The following MAML3 variants were observed in gnomAD, a reference collection of about 807,000 sequenced individuals.
MAML3 encodes the protein mastermind like transcriptional coactivator 3.
In MAML3, 27 loss-of-function variants were observed where a neutral mutation model predicts 101.9. The ratio of observed to expected loss-of-function variants is 0.27; its 90% CI spans 0.20 to 0.37. The LOEUF is 0.37. Ranked by LOEUF, MAML3 falls within the 10% of genes least tolerant of loss-of-function variation. The probability of loss-of-function intolerance (pLI) is 1.00; values close to 1 mark genes in which losing one functional copy is unlikely to be tolerated. For missense variants in MAML3, 1,316 were observed against 1,444.9 expected (o/e 0.91, Z 1.45); for synonymous variants, 501 against 555.9 (o/e 0.90, Z 1.39).
At chr4:139,978,588 T>C (rs1247076125) in intron 1 of MAML3, among the ~76,000 whole-genome samples, 10 of 138,904 alleles carry the variant, frequency 7.2e-5, no homozygotes, top group Non-Finnish European at 1.5e-5. Flanking sequence ...ATGCCTCCCA[T>C]GACTTCCCAG....
intron 2 of MAML3, among the ~76,000 whole-genome samples, chr4:139,830,172 G>A (rs746646931): frequency 6.6e-6 from 1 of 152,180 alleles, no homozygotes; most frequent in Admixed American, 6.5e-5. Context: ...CTGGATGACA[G>A]GCAAGGACTC....
Position 139,864,939 on chromosome 4 carries a change from T to TTG in MAML3, c.2079+24417_2079+24418insCA, listed in dbSNP as rs1194198566. On this transcript the variant is annotated intron_variant, in intron 2 of 4. Transcript: ENST00000509479. Reference sequence around the variant, plus strand: ...GCAAACTTGCTTTTTTTTTTTTTTTTTTTTTTTTTTTTTTGCCACAAAGCT... The same window carrying TTG: ...GCAAACTTGCTTTTTTTTTTTTTTTTTGTTTTTTTTTTTTTTGCCACAAAGCT... Among the ~76,000 whole-genome samples, 824 of 143,846 alleles carry TTG rather than the reference T, an allele frequency of 5.7e-3. 32 individuals are homozygous for TTG. Among genetic ancestry groups the TTG allele is most frequent in the South Asian group, 0.023 (102 of 4,506 alleles). 94.4% of individuals were successfully genotyped at this position (143,846 alleles called of 152,430 possible).
intron 1 of MAML3, among the ~76,000 whole-genome samples, chr4:139,997,010 T>A (rs1447893726): frequency 6.6e-6 from 1 of 151,560 alleles, no homozygotes; most frequent in East Asian, 1.9e-4. Flanking sequence ...AGAGCCAAGA[T>A]CGCGCCACTG....
intron 1 of MAML3, among the ~76,000 whole-genome samples, chr4:140,113,172 A>ATTG (rs1728466318): frequency 6.6e-6 from 1 of 152,074 alleles, no homozygotes; most frequent in Non-Finnish European, 1.5e-5. Context: ...CCAGCTACTC[A>ATTG]GGAGGCTGAG....
At chr4:140,125,042 T>A (rs1208024309) in intron 1 of MAML3, among the ~76,000 whole-genome samples, 1 of 152,176 alleles carries the variant, frequency 6.6e-6, no homozygotes, top group Non-Finnish European at 1.5e-5. Flanking sequence ...AATTAAAGAG[T>A]TTGAGCATCG....
intron 1 of MAML3, among the ~76,000 whole-genome samples, chr4:139,984,758 C>T (rs1734507212): frequency 6.6e-6 from 1 of 152,200 alleles, no homozygotes; most frequent in Non-Finnish European, 1.5e-5. Context: ...AGTTTTTGCT[C>T]TTGAGGCCTT....
At chr4:139,741,210 C>T (rs1165493138) in intron 2 of MAML3, among the ~76,000 whole-genome samples, 1 of 152,126 alleles carries the variant, frequency 6.6e-6, no homozygotes, top group Non-Finnish European at 1.5e-5. Context: ...GGGATTGGTA[C>T]TTCTCCTTAT....
intron 2 of MAML3, among the ~76,000 whole-genome samples, chr4:139,782,759 T>C (rs1341160864): frequency 1.3e-5 from 2 of 152,108 alleles, no homozygotes; most frequent in African/African-American, 2.4e-5. Context: ...GCAATGTCTA[T>C]GGGTGAGGCT....
intron 2 of MAML3, among the ~76,000 whole-genome samples, chr4:139,863,832 G>GTTTTTTTTTTTTTTTTTTTTT (rs58270046): frequency 2.7e-5 from 3 of 111,254 alleles, no homozygotes; most frequent in East Asian, 4.3e-4. Context: ...CAGAACATGG[G>GTTTTTTTTTTTTTTTTTTTTT]TTTTTTTTTT....
chr4:139,953,124 TA>T (rs1419208115), intron 1 of MAML3, among the ~76,000 whole-genome samples: 1 of 152,182 alleles, frequency 6.6e-6, no homozygotes, highest in Non-Finnish European at 1.5e-5. Flanking sequence ...TTTGGGTTTT[TA>T]AAAAAGAATG....
intron 2 of MAML3, among the ~76,000 whole-genome samples, chr4:139,772,917 A>T (rs1000864883): frequency 1.8e-4 from 13 of 70,280 alleles, no homozygotes; most frequent in African/African-American, 9.6e-4. Context: ...ATCTCTACTT[A>T]AAAAAAAAAA....
At chr4:139,730,774 G>C (rs987513995) in intron 2 of MAML3, 107 bp from the exon 3 acceptor site, 114 of 1,029,746 alleles carry the variant, frequency 1.1e-4, no homozygotes, top group Non-Finnish European at 1.5e-4. Context: ...CCCAGCTTAT[G>C]GACTGGAGGG....
At chr4:140,043,290 T>C (rs1727118425) in intron 1 of MAML3, among the ~76,000 whole-genome samples, 1 of 152,230 alleles carries the variant, frequency 6.6e-6, no homozygotes, top group Admixed American at 6.5e-5. Flanking sequence ...TACGGCTCTG[T>C]TCACCTCTTA....
At chr4:139,732,967 G>T (rs1173811588) in intron 2 of MAML3, among the ~76,000 whole-genome samples, 1 of 152,172 alleles carries the variant, frequency 6.6e-6, no homozygotes, top group East Asian at 1.9e-4. Context: ...ACTAAAAAAT[G>T]CCAGGAACCT....
At chr4:139,765,849 G>T (rs1729845825) in intron 2 of MAML3, among the ~76,000 whole-genome samples, 1 of 152,102 alleles carries the variant, frequency 6.6e-6, no homozygotes, top group South Asian at 2.1e-4. Flanking sequence ...TAAGCCAAGT[G>T]TGGTGGTGCG....
At chr4:140,006,812 A>C (rs1726461174) in intron 1 of MAML3, among the ~76,000 whole-genome samples, 1 of 152,096 alleles carries the variant, frequency 6.6e-6, no homozygotes. Context: ...AAAGCTAATA[A>C]AAAATAATAA....
intron 2 of MAML3, among the ~76,000 whole-genome samples, chr4:139,886,459 T>A (rs1732340892): frequency 6.6e-6 from 1 of 152,106 alleles, no homozygotes; most frequent in South Asian, 2.1e-4. Flanking sequence ...GAAATAAATA[T>A]CATTCCTAAC....
chr4:139,797,671 A>T (rs957467034), intron 2 of MAML3, among the ~76,000 whole-genome samples: 2 of 151,786 alleles, frequency 1.3e-5, no homozygotes, highest in East Asian at 1.9e-4. Flanking sequence ...GTAAATTGAT[A>T]TGATGTTTGG....
At chr4:139,838,914 C>A (rs1731309375) in intron 2 of MAML3, among the ~76,000 whole-genome samples, 1 of 152,196 alleles carries the variant, frequency 6.6e-6, no homozygotes, top group Non-Finnish European at 1.5e-5. Flanking sequence ...GGCCCCTTGA[C>A]ATAGTGTCAG....
Sources: allele counts gnomAD v4.1 joint callset (sites outside exome capture counted in the v4.1 genomes callset), GRCh38; gene constraint gnomAD v4.1.1; transcripts MANE v1.5; gene names NCBI Gene and HGNC (gene_info 2026-07-23, HGNC 2026-07-21).